ZPBP: variants seen among roughly 807,000 people sequenced by gnomAD.
The protein encoded by ZPBP is zona pellucida binding protein.
ZPBP carries 26 observed loss-of-function variants against 44.8 expected under a neutral mutation model. The observed-to-expected ratio is 0.58, with a 90% confidence interval of 0.43 to 0.81. The LOEUF (loss-of-function observed/expected upper bound fraction) is 0.81. Among genes scored for constraint, ZPBP ranks in the 30% least tolerant of loss-of-function variants. ZPBP has a pLI of 0.00. For missense variants in ZPBP, 409 were observed against 434.0 expected (o/e 0.94, Z 0.51); for synonymous variants, 174 against 153.2 (o/e 1.14, Z -1.00).
rs1296623824 is a variant in ZPBP, at chr7:49,982,285, A to G, written c.961+1057T>C. Among the ~76,000 whole-genome samples the G allele has an allele frequency of 5.9e-5, 3 of 50,856 alleles. No individual in the cohort carries two copies. The East Asian group carries it at 1.2e-3, about 20-fold the overall frequency. 33.4% of individuals were successfully genotyped at this position (50,856 alleles called of 152,430 possible). On this transcript the variant is annotated intron_variant, in intron 7 of 7. Coordinates refer to ENST00000046087, the MANE Select transcript of ZPBP (RefSeq NM_007009.3). ...TATATATTATATATAATTTATAATT[A>G]TACATAATATATATAATATATAATT...
intron 7 of ZPBP, among the ~76,000 whole-genome samples, chr7:49,950,611 T>C (rs1795300612): frequency 6.6e-6 from 1 of 151,748 alleles, no homozygotes; most frequent in Non-Finnish European, 1.5e-5. Context: ...GTATGTCTAT[T>C]TATATGTACA....
At position 49,946,815 on chromosome 7, in the gene ZPBP, T is replaced by C. The variant is rs1357601252; in HGVS notation, c.962-9193A>G. Among the ~76,000 whole-genome samples the C allele has an allele frequency of 3.3e-5, 5 of 152,142 alleles. No homozygotes were observed. The East Asian group carries it at 9.7e-4, about 29-fold the overall frequency. On this transcript the variant is annotated intron_variant, in intron 7 of 7. Transcript: ENST00000046087. ...CCCAACCTCTCACTCTCCCTTCTCC[T>C]TAAGGCCAATAACTCTTAGATTTGC...
intron 4 of ZPBP, among the ~76,000 whole-genome samples, chr7:50,047,916 G>A (rs1239123859): frequency 6.6e-6 from 1 of 152,154 alleles, no homozygotes; most frequent in Non-Finnish European, 1.5e-5. Flanking sequence ...ACTGCACAAT[G>A]AGAAATATGT....
intron 2 of ZPBP, among the ~76,000 whole-genome samples, chr7:49,862,198 A>C (rs1364056005): frequency 6.6e-6 from 1 of 152,134 alleles, no homozygotes; most frequent in Non-Finnish European, 1.5e-5. Flanking sequence ...TTTTACCTCA[A>C]ATTTATTCCT....
chr7:50,060,610 C>A (rs1409692090), intron 3 of ZPBP, among the ~76,000 whole-genome samples: 2 of 152,026 alleles, frequency 1.3e-5, no homozygotes, highest in African/African-American at 4.8e-5. Flanking sequence ...ATGATTGAAC[C>A]AGGAAGAAAT....
At chr7:50,069,857 T>C (rs1052479694) in intron 3 of ZPBP, among the ~76,000 whole-genome samples, 7 of 152,048 alleles carry the variant, frequency 4.6e-5, no homozygotes, top group Non-Finnish European at 1.0e-4. Context: ...GCTGGTCCTA[T>C]CAGCCTTATG....
intron 7 of ZPBP, chr7:49,944,157 GT>G: frequency 7.2e-6 from 2 of 278,800 alleles, no homozygotes. Flanking sequence ...TCCTCTTGAA[GT>G]TTTTGTAATC....
Position 50,089,651 on chromosome 7 carries a change from T to A in ZPBP, c.186A>T (p.Ile62=). The A allele has an allele frequency of 6.2e-7, 1 of 1,610,890 alleles. No individual in the cohort carries two copies. Among genetic ancestry groups the A allele is most frequent in the Non-Finnish European group, 8.5e-7 (1 of 1,178,354 alleles). The change falls in exon 2 of 8, where the codon ATA becomes ATT. Residue 62 remains isoleucine (I), a synonymous_variant. Transcript: ENST00000046087. ...AFRLTKDSVK[I]VGSTSFPVKA... is the part of the protein sequence containing the mutation. ...TACCTGGAAAACTTGTTGATCCCAC[T>A]ATTTTCACTGAATCTTTGGTCAAGC... is the stretch of plus-strand genomic sequence containing the variant.
At chr7:49,955,936 A>C (rs992500445) in intron 7 of ZPBP, among the ~76,000 whole-genome samples, 1 of 152,194 alleles carries the variant, frequency 6.6e-6, no homozygotes, top group African/African-American at 2.4e-5. Context: ...AAATCTGAAA[A>C]GCCCTATATC....
chr7:49,932,258 A>C (rs2086696), intron 1 of ZPBP, among the ~76,000 whole-genome samples: 118,315 of 152,136 alleles, frequency 0.78, 46,179 homozygotes, highest in East Asian at 0.89. Flanking sequence ...CCACCAACAG[A>C]TTGCACCATG....
chr7:49,962,130 A>T (rs1002267152), intron 7 of ZPBP, among the ~76,000 whole-genome samples: 1 of 151,956 alleles, frequency 6.6e-6, no homozygotes, highest in Non-Finnish European at 1.5e-5. Context: ...AAGAAGAGGA[A>T]AGAACTGCAA....
chr7:49,872,751 C>CAAA (rs34987652), intron 2 of ZPBP, among the ~76,000 whole-genome samples: 5 of 122,062 alleles, frequency 4.1e-5, no homozygotes, highest in African/African-American at 1.6e-4. Flanking sequence ...ACAAAAAATA[C>CAAA]AAAAAAAAAA....
In ZPBP at chr7:50,070,439, G is replaced by A. The variant is rs75001807; in HGVS notation, c.334+11335C>T. Among the ~76,000 whole-genome samples, 782 of 152,312 alleles carry A rather than the reference G, an allele frequency of 5.1e-3. 15 individuals are homozygous for A. The East Asian group carries it at 0.061, about 12-fold the overall frequency. ...CTGCTGCACTGCCAGGCAGGGTGCCGGGACGCAGGAGAGCCAGTTTTCATC... is the reference window on the plus strand; with the variant it reads ...CTGCTGCACTGCCAGGCAGGGTGCCAGGACGCAGGAGAGCCAGTTTTCATC... On this transcript the variant is annotated intron_variant, in intron 3 of 7. Transcript: ENST00000046087.
intron 2 of ZPBP, among the ~76,000 whole-genome samples, chr7:49,870,272 C>T (rs1403425496): frequency 4.6e-5 from 7 of 151,996 alleles, no homozygotes; most frequent in South Asian, 4.2e-4. Context: ...TGGTGGCGGG[C>T]GCCTGTAGTC....
intron 1 of ZPBP, among the ~76,000 whole-genome samples, chr7:49,906,267 A>G (rs1342940641): frequency 1.3e-5 from 2 of 152,146 alleles, no homozygotes; most frequent in Non-Finnish European, 2.9e-5. Flanking sequence ...TAGTTAAAAT[A>G]ATAATAAGGA....
intron 2 of ZPBP, among the ~76,000 whole-genome samples, chr7:49,896,039 T>C (rs1028569848): frequency 6.6e-5 from 10 of 152,124 alleles, no homozygotes; most frequent in African/African-American, 1.9e-4. Context: ...AAGTAAACGT[T>C]TAATGAAAAA....
chr7:50,082,267 C>T (rs1005586343), intron 2 of ZPBP, among the ~76,000 whole-genome samples: 4 of 151,622 alleles, frequency 2.6e-5, no homozygotes, highest in Admixed American at 1.3e-4. Context: ...TGTAAAGACA[C>T]CAAACATGAT....
chr7:49,898,601 A>C (rs1353898986), intron 2 of ZPBP, among the ~76,000 whole-genome samples: 1 of 152,124 alleles, frequency 6.6e-6, no homozygotes, highest in Non-Finnish European at 1.5e-5. Context: ...TATCATAAGC[A>C]TACACACACA....
chr7:49,887,853 C>T (rs775774349), intron 2 of ZPBP, among the ~76,000 whole-genome samples: 4 of 152,224 alleles, frequency 2.6e-5, no homozygotes, highest in Non-Finnish European at 5.9e-5. Flanking sequence ...AATGTTCTAG[C>T]CTACTGCACT....
Sources: gnomAD v4.1 joint callset for allele counts (sites outside exome capture counted in the v4.1 genomes callset) on GRCh38, gnomAD v4.1.1 for gene constraint, MANE v1.5 for transcripts, NCBI Gene and HGNC (gene_info 2026-07-23, HGNC 2026-07-21) for gene names.